The following MTFR1 variants were observed in gnomAD, a reference collection of about 807,000 sequenced individuals.
MTFR1 encodes mitochondrial fission regulator 1, also known as chondrocyte protein with a poly-proline region.
A neutral mutation model predicts 38.8 loss-of-function variants in MTFR1; 28 were observed. The observed-to-expected ratio is 0.72, with a 90% confidence interval of 0.53 to 0.99. The LOEUF (loss-of-function observed/expected upper bound fraction) is 0.99, where lower values mean the gene tolerates loss of function less well. Ranked by LOEUF, MTFR1 falls within the 50% of genes least tolerant of loss-of-function variation. The pLI is 0.00. For synonymous variants in MTFR1, 145 were observed against 137.0 expected (o/e 1.06, Z -0.41); for missense variants, 358 against 395.5 (o/e 0.91, Z 0.81).
chr8:65,747,469 C>T (rs1442835215), intron 3 of MTFR1, among the ~76,000 whole-genome samples: 2 of 151,942 alleles, frequency 1.3e-5, no homozygotes, highest in African/African-American at 4.8e-5. Flanking sequence ...CAGAAATTTC[C>T]CTTGCTCTGT....
rs1805902990 is a variant in MTFR1 at position 65,710,180 on chromosome 8, A to C, written c.*1136A>C. 6.6e-6 allele frequency: 1 copy of C among 152,208 alleles called. No homozygotes were observed. Among genetic ancestry groups the C allele is most frequent in the Admixed American group, 6.5e-5 (1 of 15,286 alleles). 9.4% of individuals were successfully genotyped at this position (152,208 alleles called of 1,614,324 possible). On this transcript the variant is annotated 3_prime_UTR_variant, in exon 8 of 8. Transcript: ENST00000262146. ...TATCCTACCAGGAGTAATATTTGGA[A>C]TATTTAAATCTAGTAAAAGAAGAAA...
intron 3 of MTFR1, among the ~76,000 whole-genome samples, chr8:65,726,421 C>T (rs2129066368): frequency 6.6e-6 from 1 of 152,192 alleles, no homozygotes; most frequent in Middle Eastern, 3.4e-3. Context: ...CTATTGAGGA[C>T]ATAAGGCACT....
chr8:65,761,064 C>CT (rs748642226), intron 3 of MTFR1, among the ~76,000 whole-genome samples: 110 of 143,066 alleles, frequency 7.7e-4, no homozygotes, highest in South Asian at 1.1e-3. Context: ...ATTGTTTTTT[C>CT]TTTTTTTTTT....
At chr8:65,769,343 G>T (rs764812312) in intron 3 of MTFR1, among the ~76,000 whole-genome samples, 10 of 150,570 alleles carry the variant, frequency 6.6e-5, no homozygotes, top group Non-Finnish European at 1.5e-4. Context: ...TCTGAGAAAT[G>T]ACTTAACTTA....
chr8:65,770,259 A>G (rs1809018977), intron 3 of MTFR1, among the ~76,000 whole-genome samples: 1 of 152,126 alleles, frequency 6.6e-6, no homozygotes, highest in South Asian at 2.1e-4. Flanking sequence ...CTGCTGATAA[A>G]GACATACCTG....
intron 3 of MTFR1, among the ~76,000 whole-genome samples, chr8:65,742,680 T>C (rs1400907077): frequency 2.0e-5 from 3 of 152,226 alleles, no homozygotes; most frequent in African/African-American, 7.2e-5. Flanking sequence ...TTATATAATA[T>C]AAGCTAAAGG....
chr8:65,653,673 T>G (rs1809180701), intron 1 of MTFR1, among the ~76,000 whole-genome samples: 1 of 152,248 alleles, frequency 6.6e-6, no homozygotes, highest in Admixed American at 6.5e-5. Flanking sequence ...TTGCTAATGT[T>G]TATTATTTAC....
intron 1 of MTFR1, among the ~76,000 whole-genome samples, chr8:65,655,971 A>ATATATATATATATATG (rs1809256559): frequency 2.0e-4 from 1 of 5,058 alleles, no homozygotes; most frequent in Admixed American, 1.3e-3. Flanking sequence ...TATATATACC[A>ATATATATATATATATG]TATATATATA....
chr8:65,729,651 C>T (rs1806758253), intron 3 of MTFR1, among the ~76,000 whole-genome samples: 1 of 151,918 alleles, frequency 6.6e-6, no homozygotes, highest in Admixed American at 6.5e-5. Context: ...GCAGCCTCTG[C>T]CTCCCAGGTT....
chr8:65,662,858 G>C (rs548195778), intron 1 of MTFR1, among the ~76,000 whole-genome samples: 1 of 151,470 alleles, frequency 6.6e-6, no homozygotes, highest in East Asian at 2.0e-4. Flanking sequence ...GAAGGGAGGT[G>C]GGGGGGTTAG....
intron 3 of MTFR1, among the ~76,000 whole-genome samples, chr8:65,732,335 A>G (rs939557534): frequency 6.6e-6 from 1 of 151,922 alleles, no homozygotes; most frequent in African/African-American, 2.4e-5. Flanking sequence ...CTATTTATCT[A>G]TTTGTTTAAT....
At chr8:65,675,324 G>A (rs886783117) in intron 2 of MTFR1, among the ~76,000 whole-genome samples, 4 of 146,392 alleles carry the variant, frequency 2.7e-5, no homozygotes, top group African/African-American at 1.0e-4. Context: ...GGCCGGGCGC[G>A]GTGGCTTACG....
At chr8:65,675,547 C>T (rs958481989) in intron 2 of MTFR1, among the ~76,000 whole-genome samples, 6 of 151,816 alleles carry the variant, frequency 4.0e-5, no homozygotes, top group Non-Finnish European at 8.8e-5. Context: ...TGCAGTGAGC[C>T]AAGATCACGC....
At chr8:65,674,445 C>CTACAAAAAT (rs759360814) in intron 2 of MTFR1, among the ~76,000 whole-genome samples, 7 of 151,602 alleles carry the variant, frequency 4.6e-5, no homozygotes, top group Non-Finnish European at 8.8e-5. Context: ...GACACGATCT[C>CTACAAAAAT]TACAAAAATT....
At chr8:65,662,104 A>G (rs1256938377) in intron 1 of MTFR1, among the ~76,000 whole-genome samples, 2 of 85,300 alleles carry the variant, frequency 2.3e-5, no homozygotes, top group East Asian at 2.6e-4. Flanking sequence ...CTCTTTCCAC[A>G]GTCTCCCTCT....
At chr8:65,750,192 C>G (rs989884316) in intron 3 of MTFR1, among the ~76,000 whole-genome samples, 3 of 152,142 alleles carry the variant, frequency 2.0e-5, no homozygotes. Context: ...CTCCATTTTA[C>G]AAATATATCC....
intron 7 of MTFR1, 165 bp downstream of exon 7, chr8:65,708,176 G>A: frequency 1.5e-6 from 2 of 1,367,084 alleles, no homozygotes; most frequent in Non-Finnish European, 2.0e-6. Flanking sequence ...GTTGGGAAAA[G>A]GATGACATCT....
At chr8:65,661,500 T>C (rs1182689742) in intron 1 of MTFR1, among the ~76,000 whole-genome samples, 1 of 151,742 alleles carries the variant, frequency 6.6e-6, no homozygotes, top group African/African-American at 2.4e-5. Context: ...AGCCGGGTGC[T>C]GTGGTGCATG....
chr8:65,739,795 T>C (rs1458756277), intron 3 of MTFR1, among the ~76,000 whole-genome samples: 2 of 152,222 alleles, frequency 1.3e-5, no homozygotes, highest in Non-Finnish European at 2.9e-5. Context: ...AAAATTTAAT[T>C]TTTGTTGTTT....
Sources: gnomAD v4.1 joint callset for allele counts (sites outside exome capture counted in the v4.1 genomes callset) on GRCh38, gnomAD v4.1.1 for gene constraint, MANE v1.5 for transcripts, NCBI Gene and HGNC (gene_info 2026-07-23, HGNC 2026-07-21) for gene names.